SLIT3: variants seen among roughly 807,000 people sequenced by gnomAD.
The protein encoded by SLIT3 is slit homolog 3 protein.
In SLIT3, 68 loss-of-function variants were observed where a neutral mutation model predicts 184.0. The ratio of observed to expected loss-of-function variants is 0.37; its 90% confidence interval spans 0.30 to 0.45. The LOEUF (loss-of-function observed/expected upper bound fraction) is 0.45. Ranked by LOEUF, SLIT3 falls within the 20% of genes least tolerant of loss-of-function variation. The pLI is 1.00. For synonymous variants in SLIT3, 831 were observed against 828.6 expected (o/e 1.00, Z -0.05); for missense variants, 1,707 against 2,026.0 (o/e 0.84, Z 3.02).
At chr5:169,290,825 C>A (rs565118244) in intron 1 of SLIT3, among the ~76,000 whole-genome samples, 2 of 145,808 alleles carry the variant, frequency 1.4e-5, no homozygotes, top group South Asian at 2.2e-4. Flanking sequence ...TGCTATGGCA[C>A]CCACTAGGGC....
At chr5:169,183,763 G>C in intron 4 of SLIT3, among the ~76,000 whole-genome samples, 1 of 152,208 alleles carries the variant, frequency 6.6e-6, no homozygotes, top group Admixed American at 6.5e-5. Context: ...AACTCATTTT[G>C]TGGGATGTTT....
chr5:168,685,450 A>G lies in SLIT3; in HGVS notation c.3555+237T>C, dbSNP rs529272471. ...TGTCTGGTGTACAATAGTTGAATGC[A>G]TATTTTCTGGAGGAATGAGTGAATG... On this transcript the variant is annotated intron_variant, in intron 31 of 35. Transcript: ENST00000519560. 2.6e-5 allele frequency among the ~76,000 whole-genome samples: 4 copies of G among 152,328 alleles called. No homozygotes were observed. In the South Asian group the frequency reaches 6.2e-4, roughly 24 times the overall value.
chr5:168,733,795 A>G (rs1298313973), intron 20 of SLIT3, among the ~76,000 whole-genome samples: 1 of 123,102 alleles, frequency 8.1e-6, no homozygotes, highest in African/African-American at 3.0e-5. Context: ...AAAATAAAAA[A>G]AAATTAAAAA....
chr5:169,089,907 C>A (rs1157917669), intron 4 of SLIT3, among the ~76,000 whole-genome samples: 1 of 152,154 alleles, frequency 6.6e-6, no homozygotes, highest in Non-Finnish European at 1.5e-5. Flanking sequence ...TCCTTCCTAC[C>A]CTAGGCTACA....
chr5:168,697,932 G>T (rs939702945), intron 27 of SLIT3, among the ~76,000 whole-genome samples: 1 of 152,190 alleles, frequency 6.6e-6, no homozygotes, highest in African/African-American at 2.4e-5. Flanking sequence ...GTGAGATATG[G>T]TGGCTGGTCG....
intron 4 of SLIT3, among the ~76,000 whole-genome samples, chr5:169,033,760 T>G (rs531887296): frequency 1.3e-5 from 2 of 152,064 alleles, no homozygotes; most frequent in South Asian, 4.2e-4. Flanking sequence ...CCTATTCAGG[T>G]CTTTTGCCCA....
At chr5:169,159,657 G>A (rs972718862) in intron 4 of SLIT3, among the ~76,000 whole-genome samples, 12 of 151,754 alleles carry the variant, frequency 7.9e-5, no homozygotes, top group Admixed American at 2.6e-4. Flanking sequence ...GCACCTGTAG[G>A]CCCAGCTACT....
chr5:169,101,981 G>A (rs562186034), intron 4 of SLIT3, among the ~76,000 whole-genome samples: 12 of 152,302 alleles, frequency 7.9e-5, no homozygotes, highest in South Asian at 4.1e-4. Flanking sequence ...ACCATTCAGC[G>A]CCACAGTTCT....
chr5:168,849,101 A>G (rs1314062215), intron 5 of SLIT3, among the ~76,000 whole-genome samples: 1 of 152,234 alleles, frequency 6.6e-6, no homozygotes, highest in Non-Finnish European at 1.5e-5. Flanking sequence ...GATGCATTTA[A>G]GTCCCCATGA....
intron 23 of SLIT3, among the ~76,000 whole-genome samples, chr5:168,717,881 C>A (rs1247110574): frequency 2.0e-5 from 3 of 152,020 alleles, no homozygotes; most frequent in African/African-American, 4.8e-5. Flanking sequence ...AGGATGGTCT[C>A]GATCTCCTGA....
chr5:169,020,043 C>T (rs547729469), intron 4 of SLIT3, among the ~76,000 whole-genome samples: 15 of 152,278 alleles, frequency 9.9e-5, no homozygotes, highest in Middle Eastern at 3.4e-3. Context: ...AAAGTTTTAT[C>T]GGAAGTCCTG....
At chr5:168,805,377 G>C (rs1756918810) in intron 9 of SLIT3, among the ~76,000 whole-genome samples, 1 of 152,140 alleles carries the variant, frequency 6.6e-6, no homozygotes, top group East Asian at 1.9e-4. Flanking sequence ...TTACGACAAA[G>C]CAGAAAGGCA....
intron 4 of SLIT3, among the ~76,000 whole-genome samples, chr5:169,099,015 C>T (rs1327734401): frequency 1.3e-5 from 2 of 151,984 alleles, no homozygotes; most frequent in Admixed American, 1.3e-4. Flanking sequence ...AGGCTACTCC[C>T]AGTTGCCTGG....
At position 168,774,344 on chromosome 5, in the gene SLIT3, C is replaced by T. The variant is rs745695974; in HGVS notation, c.1186G>A (p.Val396Met). The part of the protein sequence containing the change: ...LNANKINCLR[V>M]NTFQDLQNLN... ...TTCTGCAGGTCCTGAAACGTGTTCACCCGCAGGCAGTTGATCTTGTTGGCA... is the reference window on the plus strand; with the variant it reads ...TTCTGCAGGTCCTGAAACGTGTTCATCCGCAGGCAGTTGATCTTGTTGGCA... The change falls in exon 13 of 36, where the codon GTG becomes ATG. Residue 396 changes from valine to methionine, a missense_variant. Physicochemically the swap from Val to Met is conservative, Grantham distance 21. Transcript: ENST00000519560. The T allele has an allele frequency of 1.2e-6, 2 of 1,613,844 alleles. No homozygotes were observed. Among genetic ancestry groups the T allele is most frequent in the Admixed American group, 3.3e-5 (2 of 59,962 alleles).
intron 4 of SLIT3, among the ~76,000 whole-genome samples, chr5:169,122,451 A>G (rs1324900071): frequency 6.6e-6 from 1 of 152,082 alleles, no homozygotes; most frequent in African/African-American, 2.4e-5. Context: ...TTGGCTCATC[A>G]CAGCTTTTCT....
At chr5:168,738,281 C>T (rs746592687) in intron 20 of SLIT3, among the ~76,000 whole-genome samples, 2 of 152,180 alleles carry the variant, frequency 1.3e-5, no homozygotes, top group Admixed American at 6.5e-5. Flanking sequence ...ATCAGGACAT[C>T]GCTACCAAAT....
chr5:168,718,085 C>G (rs1762803925), intron 23 of SLIT3: 1 of 151,832 alleles, frequency 6.6e-6, no homozygotes. Context: ...AAGTGCCAAC[C>G]CTGGACCATG....
At chr5:169,149,764 C>T (rs1019399684) in intron 4 of SLIT3, among the ~76,000 whole-genome samples, 7 of 152,208 alleles carry the variant, frequency 4.6e-5, no homozygotes, top group Admixed American at 2.0e-4. Context: ...TCTTCTCTCC[C>T]GAGTCAGGTG....
At chr5:168,983,760 C>T (rs182955670) in intron 4 of SLIT3, among the ~76,000 whole-genome samples, 192 of 152,244 alleles carry the variant, frequency 1.3e-3, no homozygotes, top group African/African-American at 4.4e-3. Context: ...AATCTATTTC[C>T]AAAAGGTTTT....
Sources: gnomAD v4.1 joint callset for allele counts (sites outside exome capture counted in the v4.1 genomes callset) on GRCh38, gnomAD v4.1.1 for gene constraint, MANE v1.5 for transcripts, NCBI Gene and HGNC (gene_info 2026-07-23, HGNC 2026-07-21) for gene names.